TRPA1: variants seen among roughly 807,000 people sequenced by gnomAD.
TRPA1 encodes ankyrin-like with transmembrane domains 1.
In TRPA1, 129 loss-of-function variants were observed where a neutral mutation model predicts 131.3. That is an observed-to-expected ratio of 0.98 (90% CI 0.85 to 1.14). The LOEUF is 1.14. TRPA1 is among the 50% of genes most tolerant of loss of function. The probability of loss-of-function intolerance (pLI) is 0.00; values close to 1 mark genes in which losing one functional copy is unlikely to be tolerated. For missense variants in TRPA1, 1,304 were observed against 1,354.2 expected (o/e 0.96, Z 0.58); for synonymous variants, 441 against 451.7 (o/e 0.98, Z 0.30).
chr8:72,085,778 C>T, the TRPA1 span, among the ~76,000 whole-genome samples: 1 of 151,892 alleles, frequency 6.6e-6, no homozygotes, highest in Non-Finnish European at 1.5e-5. Flanking sequence ...TGCATTTGTT[C>T]TTTTCATATG....
intron 17 of TRPA1, among the ~76,000 whole-genome samples, chr8:72,041,928 G>T (rs1366020844): frequency 7.9e-5 from 12 of 151,732 alleles, no homozygotes; most frequent in African/African-American, 2.9e-4. Context: ...CCAAGAATTG[G>T]TTTTTTGAAA....
intron 24 of TRPA1, among the ~76,000 whole-genome samples, chr8:72,026,527 G>A (rs1223863937): frequency 6.6e-6 from 1 of 152,184 alleles, no homozygotes; most frequent in Non-Finnish European, 1.5e-5. Context: ...GGGCAGGAGA[G>A]AAGAAGGAGT....
At chr8:72,073,119 G>A (rs902571136) in intron 1 of TRPA1, among the ~76,000 whole-genome samples, 2 of 152,166 alleles carry the variant, frequency 1.3e-5, no homozygotes, top group Non-Finnish European at 2.9e-5. Flanking sequence ...TAATAGACTA[G>A]ATCACTTTTA....
chr8:72,068,046 G>A (rs915120563), intron 3 of TRPA1, among the ~76,000 whole-genome samples: 3 of 152,184 alleles, frequency 2.0e-5, no homozygotes, highest in Admixed American at 1.3e-4. Flanking sequence ...AATATCACGT[G>A]TTAAGGATTT....
In TRPA1 at chr8:72,023,828, T is replaced by A. The variant is rs2129432318; in HGVS notation, c.3135A>T (p.Leu1045Phe). The A allele has an allele frequency of 1.3e-6, 2 of 1,578,094 alleles. No individual in the cohort carries two copies. Among genetic ancestry groups the A allele is most frequent in the Non-Finnish European group, 1.7e-6 (2 of 1,147,654 alleles). Residue 1045 changes from leucine (L) to phenylalanine (F), a missense_variant, in exon 26 of 27, where the codon TTA becomes TTT. Leu to Phe is a conservative substitution (Grantham distance 22). Transcript: ENST00000262209. The stretch of plus-strand genomic sequence containing the variant: ...AAAATACATACCGGTATTTCTGCTT[T>A]AATATTTCCATTTCTAAAGATTTAT... The part of the protein sequence containing the change: ...NADKSLEMEI[L>F]KQKYRLKDLT...
intron 1 of TRPA1, among the ~76,000 whole-genome samples, 176 bp downstream of exon 1, chr8:72,075,123 T>C (rs1257107087): frequency 6.6e-6 from 1 of 152,094 alleles, no homozygotes; most frequent in Non-Finnish European, 1.5e-5. Context: ...ACAAAATAGA[T>C]AAAGCAGGCG....
intron 22 of TRPA1, 26 bp from the exon 23 acceptor site, chr8:72,033,852 T>G: frequency 6.2e-7 from 1 of 1,606,672 alleles, no homozygotes; most frequent in Non-Finnish European, 8.5e-7. Context: ...GAGGTACAAA[T>G]GAAATGCAAA....
chr8:72,061,720 T>A lies in TRPA1; in HGVS notation c.849A>T (p.Gly283=). 2.5e-6 allele frequency: 4 copies of A among 1,614,046 alleles called. No homozygotes were observed. In the South Asian group the frequency reaches 4.4e-5, roughly 18 times the overall value. Residue 283 remains glycine (G), a synonymous_variant, in exon 7 of 27, where the codon GGA becomes GGT. Coordinates refer to ENST00000262209, the MANE Select transcript of TRPA1 (RefSeq NM_007332.3). ...CTAIHFAATQ[G]ATEIVKLMIS... ...TCATCAGTTTAACAATCTCAGTGGC[T>A]CCCTGGGTGGCAGCAAAATGAATGG... is the stretch of plus-strand genomic sequence containing the variant.
Position 72,071,837 on chromosome 8 carries a change from G to A in TRPA1, c.142C>T (p.Gln48Ter). 1 of 1,612,080 alleles carries A rather than the reference G, an allele frequency of 6.2e-7. No individual in the cohort carries two copies. Among genetic ancestry groups the A allele is most frequent in the Non-Finnish European group, 8.5e-7 (1 of 1,179,728 alleles). Residue 48 changes from glutamine to a stop codon, truncating the protein, a stop_gained, in exon 2 of 27, where the codon CAA becomes TAA. Coordinates refer to ENST00000262209, the MANE Select transcript of TRPA1 (RefSeq NM_007332.3). LOFTEE classifies it high-confidence loss of function. ...AATTTCTTTTGCTTATTAAAGTTTT[G>A]TAATCCATATGCACTTCCTTCAAAA... ...VVFEGSAYGL[Q>*]NFNKQKKLKR...
intron 10 of TRPA1, 44 bp downstream of exon 10, chr8:72,056,873 G>T: frequency 1.5e-6 from 2 of 1,335,726 alleles, no homozygotes; most frequent in Non-Finnish European, 2.1e-6. Flanking sequence ...TTTATTTTCT[G>T]TTGAACCCAA....
chr8:72,086,019 G>T, the TRPA1 span, among the ~76,000 whole-genome samples: 1 of 152,116 alleles, frequency 6.6e-6, no homozygotes, highest in African/African-American at 2.4e-5. Context: ...TCCTGCCTCA[G>T]CTTCCCGAGT....
intron 4 of TRPA1, among the ~76,000 whole-genome samples, chr8:72,063,846 TG>T (rs1261051973): frequency 6.6e-6 from 1 of 152,184 alleles, no homozygotes; most frequent in African/African-American, 2.4e-5. Context: ...CATTTTTCAA[TG>T]GGATTAATGA....
At chr8:72,038,157 T>TTTTC (rs1335305494) in intron 19 of TRPA1, 85 bp from the exon 20 acceptor site, 1 of 769,124 alleles carries the variant, frequency 1.3e-6, no homozygotes, top group African/African-American at 1.8e-5. Flanking sequence ...TAAATTTCTT[T>TTTTC]TTTCTTTTTT....
chr8:72,058,983 T>C (rs1442746663), intron 8 of TRPA1, among the ~76,000 whole-genome samples: 1 of 152,204 alleles, frequency 6.6e-6, no homozygotes, highest in East Asian at 1.9e-4. Context: ...AAGGTGGCAC[T>C]GAGGCATCTG....
chr8:72,089,496 ATATTT>A, the TRPA1 span, among the ~76,000 whole-genome samples: 2 of 152,086 alleles, frequency 1.3e-5, no homozygotes, highest in African/African-American at 2.4e-5. Flanking sequence ...TTATATAAAA[ATATTT>A]TATTGTATTT....
At chr8:72,048,203 CACCTCA>C (rs1585864630) in intron 15 of TRPA1, among the ~76,000 whole-genome samples, 1 of 152,250 alleles carries the variant, frequency 6.6e-6, no homozygotes, top group East Asian at 1.9e-4. Flanking sequence ...CAATTTGAGA[CACCTCA>C]AATCTAGTGG....
intron 17 of TRPA1, among the ~76,000 whole-genome samples, chr8:72,042,405 A>G (rs1463647918): frequency 6.6e-6 from 1 of 151,974 alleles, no homozygotes; most frequent in Non-Finnish European, 1.5e-5. Flanking sequence ...TCAAAAGAAC[A>G]AAAAATAACA....
chr8:72,022,574 T>G lies in TRPA1; in HGVS notation c.*332A>C. On this transcript the variant is annotated 3_prime_UTR_variant, in exon 27 of 27. Transcript: ENST00000262209. ...CAGGAATTCAGTACTGACATTTGCA[T>G]TTTAGCTTAATAGTTACATTTATTA... The G allele has an allele frequency of 2.5e-6, 1 of 392,796 alleles. No individual in the cohort carries two copies. Among genetic ancestry groups the G allele is most frequent in the Non-Finnish European group, 4.8e-6 (1 of 207,574 alleles). The allele number at this position is 392,796 out of a possible 1,614,324, so 24.3% of individuals were successfully genotyped here. A position where few individuals can be genotyped will look rare whatever the true frequency, so the allele number is the denominator to read the frequency against.
chr8:72,023,906 T>C lies in TRPA1; in HGVS notation c.3057A>G (p.Ile1019Met), dbSNP rs370425068. The part of the protein sequence containing the change: ...KPRSGGMLFH[I>M]FCFLFCTGEI... ...CCCCAGTGCAAAATAAAAAACAGAATATATGCTGTCGGATAAAAAATAGTA... is the reference window on the plus strand; with the variant it reads ...CCCCAGTGCAAAATAAAAAACAGAACATATGCTGTCGGATAAAAAATAGTA... Residue 1019 changes from isoleucine to methionine, a missense_variant, in exon 26 of 27, where the codon ATA becomes ATG. Transcript: ENST00000262209. 15 of 1,580,992 alleles carry C rather than the reference T, an allele frequency of 9.5e-6. No homozygotes were observed. The African/African-American group carries it at 1.7e-4, about 18-fold the overall frequency.
Sources: allele counts gnomAD v4.1 joint callset (sites outside exome capture counted in the v4.1 genomes callset), GRCh38; gene constraint gnomAD v4.1.1; transcripts MANE v1.5; gene names NCBI Gene and HGNC (gene_info 2026-07-23, HGNC 2026-07-21).